AXDND1: variants seen among roughly 807,000 people sequenced by gnomAD.
AXDND1 encodes the protein axonemal dynein light chain domain containing 1, also known as axonemal dynein light chain domain-containing protein 1.
AXDND1 carries 110 observed loss-of-function variants against 137.5 expected under a neutral mutation model. The observed-to-expected ratio is 0.80, with a 90% CI of 0.69 to 0.94. The LOEUF (loss-of-function observed/expected upper bound fraction) is 0.94. Ranked by LOEUF, AXDND1 falls within the 40% of genes least tolerant of loss-of-function variation. The pLI is 0.00. For missense variants in AXDND1, 1,191 were observed against 1,169.8 expected, an observed-to-expected ratio of 1.02 and a Z score of -0.26; for synonymous variants, 414 against 399.7, an observed-to-expected ratio of 1.04 and a Z score of -0.43.
At position 179,509,429 on chromosome 1, in the gene AXDND1, C is replaced by A; in HGVS notation, c.2496+26C>A. On this transcript the variant is annotated intron_variant, in intron 21 of 25. Coordinates refer to ENST00000367618, the MANE Select transcript of AXDND1 (RefSeq NM_144696.6). ...GTATTTGCCACATGTTAGCGTTGGT[C>A]ATTATTCAGATTATTCCTGTATTTC... The A allele has an allele frequency of 5.0e-6, 7 of 1,396,422 alleles. No homozygotes were observed. In the South Asian group the frequency reaches 8.3e-5, roughly 16 times the overall value. 86.5% of individuals were successfully genotyped at this position (1,396,422 alleles called of 1,614,324 possible). A position where few individuals can be genotyped will look rare whatever the true frequency, so the allele number is the denominator to read the frequency against.
At chr1:179,400,600 T>TTAAA (rs1553259107) in intron 11 of AXDND1, among the ~76,000 whole-genome samples, 3 of 138,296 alleles carry the variant, frequency 2.2e-5, no homozygotes, top group Admixed American at 7.1e-5. Flanking sequence ...AGGGAAGAAA[T>TTAAA]AAAAAAAAAA....
chr1:179,552,284 C>T (rs1222727160), intron 25 of AXDND1: 10 of 413,570 alleles, frequency 2.4e-5, no homozygotes, highest in East Asian at 1.6e-4. Flanking sequence ...AGGGTGACTA[C>T]GATTACCCAG....
chr1:179,444,889 C>T (rs1659508562), intron 15 of AXDND1, 81 bp from the exon 16 acceptor site: 2 of 935,496 alleles, frequency 2.1e-6, no homozygotes, highest in African/African-American at 1.7e-5. Context: ...TTGGGAGTCA[C>T]TGGGGAATAA....
intron 25 of AXDND1, chr1:179,552,586 G>A (rs2125771335): frequency 6.2e-7 from 1 of 1,609,044 alleles, no homozygotes; most frequent in Non-Finnish European, 8.5e-7. Context: ...GTCTGGGTGG[G>A]AGGATGGAGT....
At chr1:179,551,774 G>C in intron 25 of AXDND1, 1 of 342,278 alleles carries the variant, frequency 2.9e-6, no homozygotes, top group Non-Finnish European at 5.5e-6. Context: ...CCATGCAAAG[G>C]CATGACGTTA....
At chr1:179,410,317 G>GC (rs946939435) in intron 11 of AXDND1, among the ~76,000 whole-genome samples, 2 of 152,046 alleles carry the variant, frequency 1.3e-5, no homozygotes, top group Non-Finnish European at 2.9e-5. Context: ...TGCAACCTCT[G>GC]CCCCCCAGGT....
At chr1:179,496,805 C>CT (rs1266656152) in intron 20 of AXDND1, among the ~76,000 whole-genome samples, 1 of 151,778 alleles carries the variant, frequency 6.6e-6, no homozygotes, top group Non-Finnish European at 1.5e-5. Context: ...GATTTGAGAC[C>CT]TTTTTACCTC....
At chr1:179,462,556 C>T (rs1346930906) in intron 16 of AXDND1, among the ~76,000 whole-genome samples, 1 of 152,092 alleles carries the variant, frequency 6.6e-6, no homozygotes, top group East Asian at 1.9e-4. Context: ...TGATTCTGGC[C>T]TCATAAAATG....
At chr1:179,536,338 G>A (rs1217309178) in intron 25 of AXDND1, among the ~76,000 whole-genome samples, 2 of 152,154 alleles carry the variant, frequency 1.3e-5, no homozygotes, top group Non-Finnish European at 2.9e-5. Context: ...GGTTTTTATG[G>A]TTTTAGGTCT....
At chr1:179,381,702 A>G (rs917497257) in intron 6 of AXDND1, among the ~76,000 whole-genome samples, 1 of 152,136 alleles carries the variant, frequency 6.6e-6, no homozygotes, top group Admixed American at 6.6e-5. Flanking sequence ...TCTTCTGCCA[A>G]TTTGTTATTT....
chr1:179,413,293 A>G (rs1654175582), intron 12 of AXDND1, among the ~76,000 whole-genome samples: 1 of 152,150 alleles, frequency 6.6e-6, no homozygotes, highest in African/African-American at 2.4e-5. Context: ...GGATAGCTAC[A>G]TGGATATATT....
chr1:179,547,007 A>G (rs1212525876), intron 25 of AXDND1, among the ~76,000 whole-genome samples: 1 of 152,134 alleles, frequency 6.6e-6, no homozygotes, highest in African/African-American at 2.4e-5. Flanking sequence ...AATGACCCAG[A>G]TACTACTTGG....
intron 20 of AXDND1, among the ~76,000 whole-genome samples, chr1:179,503,068 C>T (rs999839151): frequency 6.8e-6 from 1 of 147,298 alleles, no homozygotes; most frequent in African/African-American, 2.5e-5. Flanking sequence ...GCATTCTAGC[C>T]TGGGCAAAAA....
At chr1:179,478,642 T>A (rs1252879585) in intron 17 of AXDND1, among the ~76,000 whole-genome samples, 1 of 152,242 alleles carries the variant, frequency 6.6e-6, no homozygotes, top group Non-Finnish European at 1.5e-5. Context: ...TGACATGACC[T>A]GGAGACATTT....
chr1:179,528,156 T>C (rs1670713344), intron 22 of AXDND1, among the ~76,000 whole-genome samples, 171 bp from the exon 23 acceptor site: 1 of 152,194 alleles, frequency 6.6e-6, no homozygotes, highest in Non-Finnish European at 1.5e-5. Context: ...ATCCTACCAG[T>C]TTTTCACAGC....
chr1:179,405,039 C>G (rs972944978), intron 11 of AXDND1, among the ~76,000 whole-genome samples: 1 of 152,060 alleles, frequency 6.6e-6, no homozygotes, highest in Non-Finnish European at 1.5e-5. Context: ...GTCCCACATG[C>G]ATTAGGTATT....
At chr1:179,520,035 CA>C (rs1382357439) in intron 21 of AXDND1, among the ~76,000 whole-genome samples, 1 of 151,912 alleles carries the variant, frequency 6.6e-6, no homozygotes, top group African/African-American at 2.4e-5. Flanking sequence ...AATGTTTTTC[CA>C]TTTGTGTCAT....
Position 179,429,559 on chromosome 1 carries a change from C to A in AXDND1, c.1272C>A (p.Tyr424Ter), listed in dbSNP as rs752421755. Residue 424 changes from tyrosine (Y) to a stop codon, truncating the protein, a stop_gained, in exon 13 of 26, where the codon TAC (tyrosine) becomes TAA (stop). Transcript: ENST00000367618. LOFTEE classifies it high-confidence loss of function. ...GAGTCATATTGGCTAGAAGACTTTA[C>A]CTTAATGAAAAAGGCTGGAATAAAT... is the stretch of plus-strand genomic sequence containing the variant. ...RNRVILARRL[Y>*]LNEKGWNKYT... 6.3e-7 allele frequency: 1 copy of A among 1,576,236 alleles called. No individual in the cohort carries two copies. The highest frequency in any genetic ancestry group is 1.9e-5 in the Admixed American group (1 of 52,344).
chr1:179,409,052 A>G (rs189549079), intron 11 of AXDND1, among the ~76,000 whole-genome samples: 24 of 146,720 alleles, frequency 1.6e-4, no homozygotes, highest in Middle Eastern at 3.6e-3. Context: ...CTTGGGCAAT[A>G]TATTCATTTT....
Sources: allele counts gnomAD v4.1 joint callset (sites outside exome capture counted in the v4.1 genomes callset), GRCh38; gene constraint gnomAD v4.1.1; transcripts MANE v1.5; gene names NCBI Gene and HGNC (gene_info 2026-07-23, HGNC 2026-07-21).